Variants in ZNF577 observed in about 807,000 individuals in gnomAD.
ZNF577 encodes zinc finger protein 577.
ZNF577 carries 14 observed loss-of-function variants against 13.9 expected under a neutral mutation model. That is an observed-to-expected ratio of 1.00 (90% CI 0.66 to 1.57). The LOEUF is 1.57. ZNF577 is among the 40% of genes most tolerant of loss of function. The probability of loss-of-function intolerance (pLI) is 0.00; values close to 1 mark genes in which losing one functional copy is unlikely to be tolerated. For synonymous variants in ZNF577, 203 were observed against 202.9 expected (o/e 1.00, Z 0.00); for missense variants, 555 against 579.2 (o/e 0.96, Z 0.43).
intron 9 of ZNF577, among the ~76,000 whole-genome samples, chr19:51,818,654 G>C (rs147056860): frequency 8.9e-4 from 136 of 152,272 alleles, no homozygotes; most frequent in African/African-American, 3.1e-3. Flanking sequence ...TCCAGAGGAA[G>C]ATCATAGTAG....
At chr19:51,858,647 T>C (rs912648145) in intron 5 of ZNF577, among the ~76,000 whole-genome samples, 2 of 152,124 alleles carry the variant, frequency 1.3e-5, no homozygotes, top group African/African-American at 2.4e-5. Flanking sequence ...TGCAAAACAA[T>C]AGGTTTCACT....
At chr19:51,861,283 ATT>A (rs1334738345) in intron 5 of ZNF577, 1 of 155,092 alleles carries the variant, frequency 6.4e-6, no homozygotes, top group Non-Finnish European at 1.4e-5. Context: ...ACACCTGGCT[ATT>A]TGTTTTTTTT....
intron 5 of ZNF577, among the ~76,000 whole-genome samples, chr19:51,854,496 A>ATTT (rs780953746): frequency 8.1e-5 from 10 of 123,226 alleles, no homozygotes; most frequent in Non-Finnish European, 1.1e-4. Flanking sequence ...GCCCAGCTAA[A>ATTT]TTTTTTTTTT....
intron 5 of ZNF577, among the ~76,000 whole-genome samples, chr19:51,848,593 T>C (rs2084365754): frequency 6.6e-6 from 1 of 152,078 alleles, no homozygotes; most frequent in Admixed American, 6.6e-5. Context: ...GGAGAGATGG[T>C]GAGGGCTTAA....
intron 5 of ZNF577, 64 bp from the exon 6 acceptor site, chr19:51,873,770 CA>C (rs2084708258): frequency 1.6e-6 from 2 of 1,244,778 alleles, no homozygotes; most frequent in African/African-American, 3.0e-5. Context: ...ATTAAAGGAA[CA>C]ATGCTCTTAC....
chr19:51,869,170 T>A lies in ZNF577; in HGVS notation c.*3362A>T, dbSNP rs2084614646. On this transcript the variant is annotated 3_prime_UTR_variant, in exon 6 of 6. Transcript: ENST00000638348. ...GGAGGATTAGTGAAAGAGGAAGGCC[T>A]CTTTGCAGTTGAGATAAGAGGAAGG... Among the ~76,000 whole-genome samples the A allele has an allele frequency of 6.6e-6, 1 of 152,142 alleles. No homozygotes were observed. The highest frequency in any genetic ancestry group is 1.5e-5 in the Non-Finnish European group (1 of 68,020).
chr19:51,813,826 A>C (rs1200391661), intron 9 of ZNF577, among the ~76,000 whole-genome samples: 1 of 152,122 alleles, frequency 6.6e-6, no homozygotes, highest in East Asian at 1.9e-4. Flanking sequence ...AAGCCACCGC[A>C]GCTGGCCGAT....
chr19:51,878,593 A>T (rs775664819), intron 3 of ZNF577, 78 bp from the exon 4 acceptor site: 167 of 1,557,744 alleles, frequency 1.1e-4, no homozygotes, highest in Non-Finnish European at 1.4e-4. Flanking sequence ...ACATGTCTTG[A>T]TCCTTTTCTC....
chr19:51,870,293 A>G lies in ZNF577; in HGVS notation c.*2239T>C, dbSNP rs2084638541. Among the ~76,000 whole-genome samples the G allele has an allele frequency of 6.6e-6, 1 of 152,126 alleles. No homozygotes were observed. On this transcript the variant is annotated 3_prime_UTR_variant, in exon 6 of 6. Coordinates refer to ENST00000638348, the MANE Select transcript of ZNF577 (RefSeq NM_001370449.1). The stretch of plus-strand genomic sequence containing the variant: ...TCTTTGCACACCTGGGTAAGTTTGT[A>G]TTGGATGCCAGACATGGTCAATTAC...
At chr19:51,866,974 AAGAAAGAG>A (rs2084571802), downstream of ZNF577, among the ~76,000 whole-genome samples, 1 of 147,420 alleles carries the variant, frequency 6.8e-6, no homozygotes, top group South Asian at 2.4e-4. Context: ...GATAAGAAGA[AAGAAAGAG>A]AGAGAGAGAG....
chr19:51,870,162 T>G lies in ZNF577; in HGVS notation c.*2370A>C, dbSNP rs75818021. Reference sequence around the variant, plus strand: ...GTTTTTATAATCCACTTGATTCATATGGGACATTTATAGCAGCTATTTCTA... The same window carrying G: ...GTTTTTATAATCCACTTGATTCATAGGGGACATTTATAGCAGCTATTTCTA... On this transcript the variant is annotated 3_prime_UTR_variant, in exon 6 of 6. Coordinates refer to ENST00000638348, the MANE Select transcript of ZNF577 (RefSeq NM_001370449.1). 0.066 allele frequency among the ~76,000 whole-genome samples: 10,009 copies of G among 152,342 alleles called. 465 individuals carry two copies. Among genetic ancestry groups the G allele is most frequent in the Non-Finnish European group, 0.099 (6,713 of 68,024 alleles).
chr19:51,844,242 G>A (rs1396193793), intron 6 of ZNF577, among the ~76,000 whole-genome samples: 6 of 151,976 alleles, frequency 3.9e-5, no homozygotes, highest in Non-Finnish European at 7.4e-5. Flanking sequence ...GCACTATTAT[G>A]TTCTTTTTAT....
intron 1 of ZNF577, among the ~76,000 whole-genome samples, chr19:51,881,642 T>A (rs1463762609): frequency 6.6e-6 from 1 of 152,170 alleles, no homozygotes; most frequent in Non-Finnish European, 1.5e-5. Flanking sequence ...TGCAAATTTG[T>A]TCTCTTTCCT....
At chr19:51,823,650 A>G (rs2084207091) in intron 9 of ZNF577, 1 of 999,192 alleles carries the variant, frequency 1.0e-6, no homozygotes, top group South Asian at 1.7e-5. Context: ...GTCTGCTGGT[A>G]GGAGGAGGAG....
chr19:51,872,693 C>CT lies in ZNF577; in HGVS notation c.1296dup (p.Val433SerfsTer21). On this transcript the variant is annotated frameshift_variant, in exon 6 of 6. Transcript: ENST00000638348. LOFTEE classifies it low-confidence loss of function (END_TRUNC). Reference sequence around the variant, plus strand: ...TCCACAATCACTACATTTCTGCCCACTAGGCGCTCACTCTTGTTTAACAAT... The same window carrying CT: ...TCCACAATCACTACATTTCTGCCCACTTAGGCGCTCACTCTTGTTTAACAAT... 1 of 1,614,218 alleles carries CT rather than the reference C, an allele frequency of 6.2e-7. No individual in the cohort carries two copies. Among genetic ancestry groups the CT allele is most frequent in the South Asian group, 1.1e-5 (1 of 91,086 alleles).
At chr19:51,820,097 C>T (rs2122483272) in intron 9 of ZNF577, among the ~76,000 whole-genome samples, 1 of 152,238 alleles carries the variant, frequency 6.6e-6, no homozygotes, top group East Asian at 1.9e-4. Flanking sequence ...AAAATTCAGC[C>T]AAGGCCATCA....
Position 51,868,505 on chromosome 19 carries a change from C to A in ZNF577, c.*4027G>T, listed in dbSNP as rs908535586. 6.6e-6 allele frequency among the ~76,000 whole-genome samples: 1 copy of A among 152,174 alleles called. No homozygotes were observed. Among genetic ancestry groups the A allele is most frequent in the South Asian group, 2.1e-4 (1 of 4,818 alleles). ...TTCCCACCTCAGCCACACAGCAGGG[C>A]AGACTCACCAAGAACCGACTGGGTC... is the stretch of plus-strand genomic sequence containing the variant. On this transcript the variant is annotated 3_prime_UTR_variant, in exon 6 of 6. Transcript: ENST00000638348.
chr19:51,821,245 T>C (rs1281800203), intron 9 of ZNF577, among the ~76,000 whole-genome samples: 1 of 152,204 alleles, frequency 6.6e-6, no homozygotes, highest in Non-Finnish European at 1.5e-5. Flanking sequence ...AGAACCCATA[T>C]TGGCAAGGTG....
intron 5 of ZNF577, among the ~76,000 whole-genome samples, chr19:51,847,962 C>T (rs936077513): frequency 2.6e-5 from 4 of 152,198 alleles, no homozygotes; most frequent in African/African-American, 4.8e-5. Context: ...ATCCCGGTCC[C>T]ACCAGGAATG....
Sources: allele counts gnomAD v4.1 joint callset (sites outside exome capture counted in the v4.1 genomes callset), GRCh38; gene constraint gnomAD v4.1.1; transcripts MANE v1.5; gene names NCBI Gene and HGNC (gene_info 2026-07-23, HGNC 2026-07-21).